COL13A1: variants seen among roughly 807,000 people sequenced by gnomAD.
COL13A1 encodes collagen alpha-1(XIII) chain.
COL13A1 carries 89 observed loss-of-function variants against 130.9 expected under a neutral mutation model. The observed-to-expected ratio is 0.68, with a 90% CI of 0.57 to 0.81. COL13A1 has a LOEUF of 0.81. Among genes scored for constraint, COL13A1 ranks in the 30% least tolerant of loss-of-function variants. The probability of loss-of-function intolerance (pLI) is 0.00; values close to 1 mark genes in which losing one functional copy is unlikely to be tolerated. For synonymous variants in COL13A1, 402 were observed against 341.6 expected, an observed-to-expected ratio of 1.18 and a Z score of -1.95; for missense variants, 879 against 934.6, an observed-to-expected ratio of 0.94 and a Z score of 0.78.
At chr10:69,823,715 G>C (rs139003113) in intron 2 of COL13A1, among the ~76,000 whole-genome samples, 1 of 152,198 alleles carries the variant, frequency 6.6e-6, no homozygotes, top group African/African-American at 2.4e-5. Context: ...CAAGGAGACC[G>C]TGAAAAGATT....
chr10:69,887,902 T>C (rs12252215), intron 8 of COL13A1, among the ~76,000 whole-genome samples: 28,441 of 152,070 alleles, frequency 0.19, 2,691 homozygotes, highest in Middle Eastern at 0.35. Flanking sequence ...TGACCTCTGC[T>C]TATGGGGCCT....
At chr10:69,803,233 C>G (rs1337472905) in intron 1 of COL13A1, among the ~76,000 whole-genome samples, 2 of 152,244 alleles carry the variant, frequency 1.3e-5, no homozygotes, top group Non-Finnish European at 2.9e-5. Context: ...CTCACTGGCC[C>G]AGGCCGCTAG....
intron 5 of COL13A1, among the ~76,000 whole-genome samples, 173 bp downstream of exon 5, chr10:69,875,336 G>A (rs1238780580): frequency 2.0e-5 from 3 of 152,338 alleles, no homozygotes; most frequent in Middle Eastern, 3.4e-3. Context: ...GAGAAGGGAA[G>A]TTGTATTCCA....
intron 7 of COL13A1, among the ~76,000 whole-genome samples, chr10:69,885,778 G>A (rs867883902): frequency 1.3e-5 from 2 of 152,108 alleles, no homozygotes; most frequent in Non-Finnish European, 2.9e-5. Context: ...TGTGGTTTCC[G>A]GGTTTTCTCC....
chr10:69,811,362 C>T (rs1347361895), intron 1 of COL13A1, among the ~76,000 whole-genome samples: 3 of 152,308 alleles, frequency 2.0e-5, no homozygotes, highest in East Asian at 3.9e-4. Flanking sequence ...AGATGCTCTG[C>T]GAAGGCACCT....
At chr10:69,945,600 A>G in intron 36 of COL13A1, 71 bp from the exon 37 acceptor site, 2 of 1,567,278 alleles carry the variant, frequency 1.3e-6, no homozygotes, top group Non-Finnish European at 1.7e-6. Flanking sequence ...ATTTCATACC[A>G]AAGTAGAAAA....
chr10:69,952,360 T>A (rs1488176116), intron 38 of COL13A1, among the ~76,000 whole-genome samples: 2 of 152,126 alleles, frequency 1.3e-5, no homozygotes, highest in South Asian at 4.2e-4. Context: ...TACATACATA[T>A]ACACACATGT....
intron 17 of COL13A1, among the ~76,000 whole-genome samples, chr10:69,912,809 A>G (rs779630893): frequency 2.0e-5 from 3 of 152,176 alleles, no homozygotes; most frequent in Admixed American, 6.5e-5. Flanking sequence ...GTCCCTGCCC[A>G]GCTTGTTCAA....
intron 23 of COL13A1, 95 bp downstream of exon 23, chr10:69,922,889 C>G: frequency 2.7e-6 from 2 of 747,088 alleles, no homozygotes; most frequent in Non-Finnish European, 4.1e-6. Context: ...GACATCCCGC[C>G]TTCTCTAGCC....
intron 2 of COL13A1, 98 bp from the exon 3 acceptor site, chr10:69,867,700 C>G: frequency 1.4e-6 from 1 of 700,026 alleles, no homozygotes; most frequent in Non-Finnish European, 2.7e-6. Flanking sequence ...ATGGAAACCC[C>G]TCCGCTGATG....
At chr10:69,812,209 C>T (rs2683551) in intron 1 of COL13A1, among the ~76,000 whole-genome samples, 4 of 152,080 alleles carry the variant, frequency 2.6e-5, no homozygotes, top group Admixed American at 2.6e-4. Context: ...CTCTCTCCAG[C>T]CTCATGGCTC....
chr10:69,810,685 A>C (rs1030143702), intron 1 of COL13A1, among the ~76,000 whole-genome samples: 1 of 152,188 alleles, frequency 6.6e-6, no homozygotes. Flanking sequence ...GCCCTCAGTC[A>C]GAGGGAAATC....
intron 30 of COL13A1, among the ~76,000 whole-genome samples, chr10:69,930,793 C>T (rs2066010036): frequency 6.6e-6 from 1 of 152,228 alleles, no homozygotes; most frequent in African/African-American, 2.4e-5. Flanking sequence ...GAAAGCCACT[C>T]ACTGTTGCAG....
Position 69,930,435 on chromosome 10 carries a change from T to C in COL13A1, c.1566T>C (p.Pro522=). ...PRGKPGDMGP[P]GPQGPPGKDG... ...GTAAACCAGGAGACATGGGCCCTCC[T>C]GGTCCCCAAGGCCCCCCAGGAAAGG... is the stretch of plus-strand genomic sequence containing the variant. The change falls in exon 30 of 41, where the codon CCT becomes CCC. Residue 522 remains proline, a synonymous_variant. Transcript: ENST00000645393. 1 of 1,613,432 alleles carries C rather than the reference T, an allele frequency of 6.2e-7. No homozygotes were observed. Among genetic ancestry groups the C allele is most frequent in the Non-Finnish European group, 8.5e-7 (1 of 1,179,638 alleles).
intron 2 of COL13A1, among the ~76,000 whole-genome samples, chr10:69,825,996 G>A (rs898928782): frequency 5.3e-5 from 8 of 152,210 alleles, no homozygotes; most frequent in Non-Finnish European, 1.2e-4. Context: ...AAGTTCAGAG[G>A]AATAGGTGTG....
intron 2 of COL13A1, among the ~76,000 whole-genome samples, chr10:69,834,953 T>C (rs2133056928): frequency 6.6e-6 from 1 of 152,320 alleles, no homozygotes; most frequent in South Asian, 2.1e-4. Flanking sequence ...GCCTTACCTG[T>C]AGCCACCTGC....
At chr10:69,944,032 C>A in intron 35 of COL13A1, 93 bp from the exon 36 acceptor site, 1 of 1,056,728 alleles carries the variant, frequency 9.5e-7, no homozygotes, top group Non-Finnish European at 1.5e-6. Flanking sequence ...AAAACTGGGC[C>A]TTGGACCTTG....
chr10:69,943,582 T>C (rs192736623), intron 35 of COL13A1, among the ~76,000 whole-genome samples: 2,049 of 152,222 alleles, frequency 0.013, 37 homozygotes, highest in South Asian at 0.069. Flanking sequence ...TCCAGCCAGT[T>C]CCGCAGGCCT....
chr10:69,823,109 A>G (rs1046162383), intron 2 of COL13A1, among the ~76,000 whole-genome samples: 2 of 152,336 alleles, frequency 1.3e-5, no homozygotes, highest in Middle Eastern at 3.4e-3. Context: ...TTTCCTCTGT[A>G]TCCTTGGGCC....
Sources: allele counts gnomAD v4.1 joint callset (sites outside exome capture counted in the v4.1 genomes callset), GRCh38; gene constraint gnomAD v4.1.1; transcripts MANE v1.5; gene names NCBI Gene and HGNC (gene_info 2026-07-23, HGNC 2026-07-21).